KIAA1328: variants seen among roughly 807,000 people sequenced by gnomAD.
KIAA1328 encodes the protein KIAA1328.
In KIAA1328, 52 loss-of-function variants were observed where a neutral mutation model predicts 68.1. The ratio of observed to expected loss-of-function variants is 0.76; its 90% confidence interval spans 0.61 to 0.96. The LOEUF (loss-of-function observed/expected upper bound fraction) is 0.96, where lower values mean the gene tolerates loss of function less well. Ranked by LOEUF, KIAA1328 falls within the 40% of genes least tolerant of loss-of-function variation. KIAA1328 has a pLI of 0.00. For synonymous variants in KIAA1328, 232 were observed against 239.4 expected (o/e 0.97, Z 0.28); for missense variants, 641 against 677.6 (o/e 0.95, Z 0.60).
chr18:36,885,702 G>C (rs373484258), intron 5 of KIAA1328, 30 bp downstream of exon 5: 231 of 1,356,492 alleles, frequency 1.7e-4, no homozygotes, highest in Non-Finnish European at 2.2e-4. Context: ...CTTTTTTAAC[G>C]TTCAAGAAGT....
At chr18:37,208,598 A>C (rs1252924993) in intron 9 of KIAA1328, among the ~76,000 whole-genome samples, 1 of 152,180 alleles carries the variant, frequency 6.6e-6, no homozygotes, top group Admixed American at 6.5e-5. Context: ...CCTCAAGGAA[A>C]ATAGTAGTAT....
intron 6 of KIAA1328, among the ~76,000 whole-genome samples, chr18:37,058,622 G>T (rs1030451524): frequency 6.6e-6 from 1 of 152,038 alleles, no homozygotes; most frequent in African/African-American, 2.4e-5. Flanking sequence ...TGAGGCAAGA[G>T]AATTGCTTGA....
intron 7 of KIAA1328, among the ~76,000 whole-genome samples, chr18:37,114,536 A>G (rs1169024019): frequency 6.6e-6 from 1 of 152,204 alleles, no homozygotes; most frequent in African/African-American, 2.4e-5. Context: ...TTATAGCACT[A>G]AATGCCCACA....
At chr18:37,204,676 TGAA>T (rs923128856) in intron 9 of KIAA1328, among the ~76,000 whole-genome samples, 8 of 150,522 alleles carry the variant, frequency 5.3e-5, no homozygotes, top group African/African-American at 2.0e-4. Flanking sequence ...AAAAGGCCAG[TGAA>T]GTTTTATATT....
chr18:36,926,873 C>T (rs72887089), intron 5 of KIAA1328, among the ~76,000 whole-genome samples: 20,718 of 152,104 alleles, frequency 0.14, 1,758 homozygotes, highest in Admixed American at 0.18. Context: ...AGCATTGTCC[C>T]GGCATCTGCT....
chr18:37,048,127 T>C (rs2055549467), intron 6 of KIAA1328, among the ~76,000 whole-genome samples: 2 of 152,192 alleles, frequency 1.3e-5, no homozygotes, highest in Admixed American at 6.6e-5. Flanking sequence ...TCCCATTTGG[T>C]ACTAGAGCAG....
rs371605357 is a variant in KIAA1328, at chr18:37,062,241, T to A, written c.577-4649T>A. 1.4e-4 allele frequency among the ~76,000 whole-genome samples: 21 copies of A among 152,246 alleles called. No homozygotes were observed. In the East Asian group the frequency reaches 4.1e-3, roughly 29 times the overall value. ...ATTCACTTTAGAAGAAGTTTAGATA[T>A]AACCTGTTGTAACTGAACATGGCCT... is the stretch of plus-strand genomic sequence containing the variant. On this transcript the variant is annotated intron_variant, in intron 6 of 9. Coordinates refer to ENST00000280020, the MANE Select transcript of KIAA1328 (RefSeq NM_020776.3).
chr18:37,004,603 A>C (rs960066884), intron 6 of KIAA1328, among the ~76,000 whole-genome samples: 3 of 152,082 alleles, frequency 2.0e-5, no homozygotes, highest in African/African-American at 7.2e-5. Flanking sequence ...AAAATAATGG[A>C]TGTTGGTGTG....
chr18:37,126,799 A>G (rs907136597), intron 7 of KIAA1328, among the ~76,000 whole-genome samples: 2 of 152,180 alleles, frequency 1.3e-5, no homozygotes, highest in Admixed American at 6.5e-5. Context: ...CCATTTGAAA[A>G]TCATACATAT....
chr18:37,070,354 A>G (rs1273412368), intron 7 of KIAA1328, among the ~76,000 whole-genome samples: 2 of 152,146 alleles, frequency 1.3e-5, no homozygotes, highest in South Asian at 2.1e-4. Flanking sequence ...GAGTTCTTCT[A>G]TATTCTTGCT....
At chr18:37,070,551 G>C (rs902065799) in intron 7 of KIAA1328, among the ~76,000 whole-genome samples, 1 of 150,422 alleles carries the variant, frequency 6.6e-6, no homozygotes, top group African/African-American at 2.4e-5. Context: ...TTTTCACTAT[G>C]TAATGTCTTT....
In KIAA1328 at chr18:37,224,784, A is replaced by G; in HGVS notation, c.*2557A>G. On this transcript the variant is annotated 3_prime_UTR_variant, in exon 10 of 10. Transcript: ENST00000280020. Reference sequence around the variant, plus strand: ...CACTTCCCAAAGCAAGACTGGACACATGCCGAGGGCGTTGCGGATAGTGCC... The same window carrying G: ...CACTTCCCAAAGCAAGACTGGACACGTGCCGAGGGCGTTGCGGATAGTGCC... 1.0e-6 allele frequency: 1 copy of G among 985,406 alleles called. No homozygotes were observed. The highest frequency in any genetic ancestry group is 1.2e-6 in the Non-Finnish European group (1 of 829,946). 61.0% of individuals were successfully genotyped at this position (985,406 alleles called of 1,614,324 possible).
At chr18:37,129,976 T>C (rs933760771) in intron 7 of KIAA1328, among the ~76,000 whole-genome samples, 1 of 152,172 alleles carries the variant, frequency 6.6e-6, no homozygotes, top group Non-Finnish European at 1.5e-5. Flanking sequence ...AGTATGTTAC[T>C]GAAGTATGTC....
chr18:37,191,258 C>G (rs774017711), intron 9 of KIAA1328, among the ~76,000 whole-genome samples: 111 of 152,230 alleles, frequency 7.3e-4, no homozygotes, highest in Admixed American at 2.0e-3. Context: ...AATTTAACTT[C>G]TTTTATACAT....
At chr18:37,066,717 A>G (rs1376929695) in intron 6 of KIAA1328, 173 bp from the exon 7 acceptor site, 8 of 580,990 alleles carry the variant, frequency 1.4e-5, no homozygotes, top group African/African-American at 1.9e-5. Context: ...TTGAAAATGG[A>G]TGTAGCTTTG....
At chr18:36,918,604 G>A (rs746914360) in intron 5 of KIAA1328, among the ~76,000 whole-genome samples, 23 of 151,812 alleles carry the variant, frequency 1.5e-4, no homozygotes, top group Non-Finnish European at 2.6e-4. Flanking sequence ...TAGTAGAGAC[G>A]GGGTTTCACC....
chr18:37,229,507 G>C (rs1786073), downstream of KIAA1328: 1 of 1,220,558 alleles, frequency 8.2e-7, no homozygotes, highest in Non-Finnish European at 1.1e-6. Context: ...ATAGAATTCA[G>C]ACTCAGAAAC....
chr18:37,113,591 C>A (rs891165011), intron 7 of KIAA1328, among the ~76,000 whole-genome samples: 8 of 151,926 alleles, frequency 5.3e-5, no homozygotes, highest in Non-Finnish European at 7.4e-5. Context: ...TAGGAAGAAA[C>A]TGCATCAACT....
chr18:37,096,822 C>T (rs1356271609), intron 7 of KIAA1328, among the ~76,000 whole-genome samples: 1 of 152,170 alleles, frequency 6.6e-6, no homozygotes, highest in Non-Finnish European at 1.5e-5. Flanking sequence ...CTCTGATGGC[C>T]AGTGATGATG....
Sources: gnomAD v4.1 joint callset for allele counts (sites outside exome capture counted in the v4.1 genomes callset) on GRCh38, gnomAD v4.1.1 for gene constraint, MANE v1.5 for transcripts, NCBI Gene and HGNC (gene_info 2026-07-23, HGNC 2026-07-21) for gene names.